Variants in ZNF385B observed in about 807,000 individuals in gnomAD.
The protein encoded by ZNF385B is zinc finger protein 385B.
ZNF385B carries 23 observed loss-of-function variants against 39.2 expected under a neutral mutation model. That is an observed-to-expected ratio of 0.59 (90% confidence interval 0.42 to 0.83). The LOEUF is 0.83. ZNF385B is among the 40% of genes least tolerant of loss of function. The probability of loss-of-function intolerance (pLI) is 0.00; values close to 1 mark genes in which losing one functional copy is unlikely to be tolerated. For missense variants in ZNF385B, 552 were observed against 598.9 expected (o/e 0.92, Z 0.82); for synonymous variants, 205 against 222.6 (o/e 0.92, Z 0.70).
intron 3 of ZNF385B, among the ~76,000 whole-genome samples, chr2:179,702,756 G>A (rs1699304001): frequency 6.6e-6 from 1 of 152,172 alleles, no homozygotes; most frequent in South Asian, 2.1e-4. Flanking sequence ...GATTGGTTAA[G>A]TATGAGTCTG....
chr2:179,466,466 C>G (rs1158060785), intron 6 of ZNF385B, among the ~76,000 whole-genome samples: 1 of 152,094 alleles, frequency 6.6e-6, no homozygotes, highest in Non-Finnish European at 1.5e-5. Flanking sequence ...GGCAAGATTT[C>G]TCTTGAAACT....
At chr2:179,476,722 G>A (rs1019950532) in intron 6 of ZNF385B, among the ~76,000 whole-genome samples, 1 of 152,166 alleles carries the variant, frequency 6.6e-6, no homozygotes, top group African/African-American at 2.4e-5. Context: ...GGTAAAGATG[G>A]AGGCAGTTCT....
At chr2:179,782,512 G>C (rs779286370) in intron 1 of ZNF385B, among the ~76,000 whole-genome samples, 1 of 152,024 alleles carries the variant, frequency 6.6e-6, no homozygotes, top group African/African-American at 2.4e-5. Flanking sequence ...CAAAATAAAC[G>C]GCATCCAAAT....
intron 3 of ZNF385B, among the ~76,000 whole-genome samples, chr2:179,570,641 C>T (rs1685107331): frequency 6.6e-6 from 1 of 152,140 alleles, no homozygotes; most frequent in African/African-American, 2.4e-5. Context: ...TGAAGAGAGC[C>T]AGTTGTTTGG....
chr2:179,449,055 C>T (rs191731404), intron 6 of ZNF385B, among the ~76,000 whole-genome samples: 25 of 152,050 alleles, frequency 1.6e-4, no homozygotes, highest in African/African-American at 5.1e-4. Flanking sequence ...TATGAATTAA[C>T]AAGTACATAT....
chr2:179,543,976 G>A (rs1184105798), intron 4 of ZNF385B, among the ~76,000 whole-genome samples: 4 of 152,124 alleles, frequency 2.6e-5, no homozygotes, highest in African/African-American at 9.7e-5. Context: ...TATTACAGCA[G>A]CATTTACAAT....
chr2:179,664,684 A>G (rs1267659137), intron 3 of ZNF385B, among the ~76,000 whole-genome samples: 3 of 152,204 alleles, frequency 2.0e-5, no homozygotes, highest in Non-Finnish European at 4.4e-5. Context: ...AAATATATTA[A>G]GTGATATAAG....
intron 1 of ZNF385B, among the ~76,000 whole-genome samples, chr2:179,789,280 C>T (rs1381866192): frequency 6.6e-6 from 1 of 152,114 alleles, no homozygotes; most frequent in Non-Finnish European, 1.5e-5. Flanking sequence ...GTTCTTAAAT[C>T]AAAGTTAAGA....
chr2:179,749,485 G>C (rs1287253220), intron 3 of ZNF385B, among the ~76,000 whole-genome samples: 3 of 152,114 alleles, frequency 2.0e-5, no homozygotes, highest in Non-Finnish European at 4.4e-5. Flanking sequence ...CATATGGTCA[G>C]CTGTAACATT....
At chr2:179,624,201 C>T (rs1327478352) in intron 3 of ZNF385B, among the ~76,000 whole-genome samples, 1 of 152,114 alleles carries the variant, frequency 6.6e-6, no homozygotes, top group Non-Finnish European at 1.5e-5. Flanking sequence ...TATTTGCTAT[C>T]TTTCCACTTC....
chr2:179,855,216 A>T (rs1684493857), intron 1 of ZNF385B, among the ~76,000 whole-genome samples: 1 of 152,234 alleles, frequency 6.6e-6, no homozygotes, highest in Non-Finnish European at 1.5e-5. Context: ...CTCAGCCAAA[A>T]AGAAAAGAAA....
At chr2:179,551,902 C>T (rs1574754453) in intron 3 of ZNF385B, among the ~76,000 whole-genome samples, 1 of 151,992 alleles carries the variant, frequency 6.6e-6, no homozygotes, top group East Asian at 1.9e-4. Flanking sequence ...TCACTCTTAT[C>T]ATGGAAATTC....
chr2:179,807,066 G>T (rs916429559), intron 1 of ZNF385B, among the ~76,000 whole-genome samples: 1 of 152,122 alleles, frequency 6.6e-6, no homozygotes, highest in Admixed American at 6.5e-5. Context: ...CTAGGTATAC[G>T]GTTGAGAAAA....
intron 4 of ZNF385B, among the ~76,000 whole-genome samples, chr2:179,527,175 GA>G (rs2058961386): frequency 6.6e-6 from 1 of 152,116 alleles, no homozygotes; most frequent in Admixed American, 6.5e-5. Context: ...AATTAAGCAG[GA>G]CCCCAGGATT....
intron 3 of ZNF385B, among the ~76,000 whole-genome samples, chr2:179,581,850 A>C (rs1686563869): frequency 6.6e-6 from 1 of 152,166 alleles, no homozygotes; most frequent in African/African-American, 2.4e-5. Flanking sequence ...GGAATGTGGA[A>C]GTGCACACCA....
chr2:179,561,292 A>G (rs908427543), intron 3 of ZNF385B, among the ~76,000 whole-genome samples: 2 of 152,182 alleles, frequency 1.3e-5, no homozygotes, highest in Non-Finnish European at 1.5e-5. Context: ...CAGCACTACA[A>G]AAAATTTTCC....
At chr2:179,471,629 C>T (rs1381259036) in intron 6 of ZNF385B, among the ~76,000 whole-genome samples, 2 of 152,152 alleles carry the variant, frequency 1.3e-5, no homozygotes, top group Non-Finnish European at 2.9e-5. Flanking sequence ...TTCACCACTT[C>T]AAAATTACAG....
At chr2:179,760,223 C>CGCGCGTGTGTGTGTGTGTGTGTGT (rs11282329) in intron 3 of ZNF385B, among the ~76,000 whole-genome samples, 4 of 144,476 alleles carry the variant, frequency 2.8e-5, no homozygotes, top group African/African-American at 1.0e-4. Flanking sequence ...TTCCTGTGTG[C>CGCGCGTGTGTGTGTGTGTGTGTGT]GTGTGTGTGT....
intron 3 of ZNF385B, chr2:179,746,071 T>G (rs928322566): frequency 9.6e-7 from 1 of 1,037,380 alleles, no homozygotes; most frequent in Non-Finnish European, 1.2e-6. Flanking sequence ...GGTGGATTTA[T>G]GCTGAGAAAC....
Sources: gnomAD v4.1 joint callset for allele counts (sites outside exome capture counted in the v4.1 genomes callset) on GRCh38, gnomAD v4.1.1 for gene constraint, MANE v1.5 for transcripts, NCBI Gene and HGNC (gene_info 2026-07-23, HGNC 2026-07-21) for gene names.